Variants in R3HCC1L observed in about 807,000 individuals in gnomAD.
The protein encoded by R3HCC1L is coiled-coil domain-containing protein R3HCC1L.
A neutral mutation model predicts 59.9 loss-of-function variants in R3HCC1L; 51 were observed. The observed-to-expected ratio is 0.85, with a 90% CI of 0.68 to 1.07. The LOEUF (loss-of-function observed/expected upper bound fraction) is 1.07, where lower values mean the gene tolerates loss of function less well. Among genes scored for constraint, R3HCC1L ranks in the 50% least tolerant of loss-of-function variants. The probability of loss-of-function intolerance (pLI) is 0.00; values close to 1 mark genes in which losing one functional copy is unlikely to be tolerated. For missense variants in R3HCC1L, 965 were observed against 933.0 expected (o/e 1.03, Z -0.45); for synonymous variants, 322 against 315.2 (o/e 1.02, Z -0.23).
rs1590678351 is a variant in R3HCC1L, at chr10:98,200,339, T to C, written c.-14-7762T>C. The stretch of plus-strand genomic sequence containing the variant: ...GGTTGCAATAGGTGTTAGTGTCTAG[T>C]AGAAACAGATATCAGGGGACATTAT... On this transcript the variant is annotated intron_variant, in intron 4 of 9. Coordinates refer to ENST00000298999, the MANE Select transcript of R3HCC1L (RefSeq NM_001351015.2). Among the ~76,000 whole-genome samples the C allele has an allele frequency of 5.3e-5, 8 of 152,222 alleles. 2 individuals are homozygous for C. The highest frequency in any genetic ancestry group is 5.2e-4 in the Admixed American group (8 of 15,290).
intron 4 of R3HCC1L, among the ~76,000 whole-genome samples, chr10:98,195,600 A>G (rs1469069573): frequency 6.6e-6 from 1 of 152,170 alleles, no homozygotes; most frequent in African/African-American, 2.4e-5. Context: ...CACACAAAAA[A>G]AAACTCTTTG....
chr10:98,158,575 G>A (rs1397206283), intron 2 of R3HCC1L, among the ~76,000 whole-genome samples: 1 of 152,142 alleles, frequency 6.6e-6, no homozygotes, highest in East Asian at 1.9e-4. Flanking sequence ...AAATAGTTAA[G>A]TGTGCACTTT....
chr10:98,243,962 G>A (rs1187775998), intron 9 of R3HCC1L, 129 bp from the exon 10 acceptor site: 3 of 681,314 alleles, frequency 4.4e-6, no homozygotes, highest in Non-Finnish European at 7.7e-6. Flanking sequence ...ATTAACTCTT[G>A]TTATCAGGTA....
intron 9 of R3HCC1L, among the ~76,000 whole-genome samples, chr10:98,240,415 G>A (rs1018198052): frequency 6.6e-6 from 1 of 152,160 alleles, no homozygotes; most frequent in African/African-American, 2.4e-5. Context: ...CTTAGATATC[G>A]TTACCTCTCA....
rs1029274045 is a variant in R3HCC1L, at chr10:98,235,944, A to G, written c.2129-80A>G. On this transcript the variant is annotated intron_variant, in intron 8 of 9. Coordinates refer to ENST00000298999, the MANE Select transcript of R3HCC1L (RefSeq NM_001351015.2). ...CCCTTGTTAGTCTATTTTGTATGTT[A>G]ATTACTGAGTTAAATCACTTGAAGC... The G allele has an allele frequency of 2.8e-5, 40 of 1,440,524 alleles. No homozygotes were observed. In the African/African-American group the frequency reaches 3.4e-4, roughly 12 times the overall value. The allele number at this position is 1,440,524 out of a possible 1,614,324, so 89.2% of individuals were successfully genotyped here.
chr10:98,173,525 G>A (rs1848714358), intron 4 of R3HCC1L, among the ~76,000 whole-genome samples: 1 of 152,180 alleles, frequency 6.6e-6, no homozygotes, highest in African/African-American at 2.4e-5. Flanking sequence ...TATGCATCCT[G>A]ACATTCATAA....
At chr10:98,188,284 TAGTC>T (rs780706424) in intron 4 of R3HCC1L, among the ~76,000 whole-genome samples, 2 of 152,190 alleles carry the variant, frequency 1.3e-5, no homozygotes, top group Non-Finnish European at 2.9e-5. Context: ...GTATGATTGT[TAGTC>T]AGACAAGCTT....
At chr10:98,234,125 G>T (rs61875306) in intron 6 of R3HCC1L, among the ~76,000 whole-genome samples, 26,376 of 151,774 alleles carry the variant, frequency 0.17, 2,467 homozygotes, top group Non-Finnish European at 0.2. Context: ...CTCATTCCCT[G>T]CCCATAAGAA....
chr10:98,234,329 C>A, intron 6 of R3HCC1L, 117 bp from the exon 7 acceptor site: 1 of 878,028 alleles, frequency 1.1e-6, no homozygotes, highest in Non-Finnish European at 1.8e-6. Flanking sequence ...CCCCATTCCA[C>A]CTGTGCACTC....
At chr10:98,136,138 A>ACACTGTGCC (rs1257695300) in intron 1 of R3HCC1L, among the ~76,000 whole-genome samples, 2 of 151,580 alleles carry the variant, frequency 1.3e-5, no homozygotes, top group African/African-American at 2.4e-5. Context: ...CAGGCGTTTG[A>ACACTGTGCC]CACTGTGCCC....
rs1462161191 is a variant in R3HCC1L, at chr10:98,221,810, C to T, written c.1786-9702C>T. ...TGTAATATAGTTTGAAGTCAGGTAG[C>T]ATGATGCCTCCAGCTTTGTTCTTTT... On this transcript the variant is annotated intron_variant, in intron 5 of 9. Coordinates refer to ENST00000298999, the MANE Select transcript of R3HCC1L (RefSeq NM_001351015.2). 3.9e-5 allele frequency among the ~76,000 whole-genome samples: 6 copies of T among 152,264 alleles called. No homozygotes were observed. The South Asian group carries it at 1.2e-3, about 32-fold the overall frequency.
intron 5 of R3HCC1L, among the ~76,000 whole-genome samples, chr10:98,221,489 C>G (rs1854953780): frequency 6.6e-6 from 1 of 151,640 alleles, no homozygotes; most frequent in East Asian, 1.9e-4. Flanking sequence ...CCTAGGTTTT[C>G]TTCTAGGGTT....
chr10:98,231,337 C>T (rs549509835), intron 5 of R3HCC1L, among the ~76,000 whole-genome samples, 175 bp from the exon 6 acceptor site: 10 of 152,054 alleles, frequency 6.6e-5, no homozygotes, highest in South Asian at 4.2e-4. Context: ...ATAAACTGGG[C>T]GATAAGCACC....
At chr10:98,171,098 ACT>A (rs957466215) in intron 4 of R3HCC1L, among the ~76,000 whole-genome samples, 2 of 152,106 alleles carry the variant, frequency 1.3e-5, no homozygotes, top group African/African-American at 2.4e-5. Context: ...CATTGCCTTC[ACT>A]CTCTCTGAAA....
chr10:98,223,351 G>T (rs939173113), intron 5 of R3HCC1L, among the ~76,000 whole-genome samples: 3 of 151,852 alleles, frequency 2.0e-5, no homozygotes, highest in East Asian at 3.9e-4. Context: ...ATGATCAAGT[G>T]GGCTTCATCC....
At chr10:98,206,946 T>C (rs1434117236) in intron 4 of R3HCC1L, among the ~76,000 whole-genome samples, 1 of 152,208 alleles carries the variant, frequency 6.6e-6, no homozygotes, top group Non-Finnish European at 1.5e-5. Context: ...CTGGAGATAC[T>C]TGATGATCAG....
chr10:98,182,229 T>C (rs1008645341), intron 4 of R3HCC1L, among the ~76,000 whole-genome samples: 3 of 152,218 alleles, frequency 2.0e-5, no homozygotes, highest in Non-Finnish European at 2.9e-5. Context: ...ATGTTGATGC[T>C]GATGTTATTC....
At chr10:98,194,388 G>A (rs1039481062) in intron 4 of R3HCC1L, among the ~76,000 whole-genome samples, 2 of 152,106 alleles carry the variant, frequency 1.3e-5, no homozygotes, top group Non-Finnish European at 2.9e-5. Flanking sequence ...ATTGGAATTA[G>A]CAGTGGTTTC....
intron 1 of R3HCC1L, among the ~76,000 whole-genome samples, chr10:98,153,423 A>T (rs1024955374): frequency 1.3e-5 from 2 of 152,102 alleles, no homozygotes; most frequent in Non-Finnish European, 2.9e-5. Context: ...CAGACTCGTT[A>T]AAGAGTCATC....
Sources: allele counts gnomAD v4.1 joint callset (sites outside exome capture counted in the v4.1 genomes callset), GRCh38; gene constraint gnomAD v4.1.1; transcripts MANE v1.5; gene names NCBI Gene and HGNC (gene_info 2026-07-23, HGNC 2026-07-21).